The following HYDIN variants were observed in gnomAD, a reference collection of about 807,000 sequenced individuals.
HYDIN encodes HYDIN axonemal central pair apparatus protein.
HYDIN carries 132 observed loss-of-function variants against 403.9 expected under a neutral mutation model. The ratio of observed to expected loss-of-function variants is 0.33; its 90% confidence interval spans 0.28 to 0.38. HYDIN has a LOEUF of 0.38. HYDIN is among the 10% of genes least tolerant of loss of function. HYDIN has a pLI of 1.00. For synonymous variants in HYDIN, 1,202 were observed against 1,891.7 expected (o/e 0.64, Z 9.46); for missense variants, 2,827 against 5,009.5 (o/e 0.56, Z 13.15).
intron 65 of HYDIN, among the ~76,000 whole-genome samples, chr16:70,870,014 T>A (rs2040001062): frequency 6.6e-6 from 1 of 151,700 alleles, no homozygotes; most frequent in Non-Finnish European, 1.5e-5. Flanking sequence ...GGAGCAAAGG[T>A]GACTCTTGCT....
chr16:70,851,178 G>A (rs2038615228), intron 73 of HYDIN, among the ~76,000 whole-genome samples: 1 of 74,654 alleles, frequency 1.3e-5, no homozygotes, highest in Non-Finnish European at 2.5e-5. Context: ...AACAAAAATC[G>A]ACAAGTGGGA....
At chr16:71,098,060 A>G (rs2144397186) in intron 10 of HYDIN, among the ~76,000 whole-genome samples, 1 of 152,246 alleles carries the variant, frequency 6.6e-6, no homozygotes, top group Admixed American at 6.5e-5. Context: ...CATTACTTTG[A>G]TTATAAGAAG....
intron 10 of HYDIN, among the ~76,000 whole-genome samples, chr16:71,099,868 T>C (rs1280558258): frequency 6.6e-6 from 1 of 152,104 alleles, no homozygotes; most frequent in African/African-American, 2.4e-5. Context: ...CCAGGCATCA[T>C]GGAGTGAGCC....
At chr16:71,033,000 C>A (rs7203721) in intron 18 of HYDIN, among the ~76,000 whole-genome samples, 404 of 114,962 alleles carry the variant, frequency 3.5e-3, no homozygotes, top group African/African-American at 4.5e-3. Context: ...TAATTAGGGA[C>A]CACTCCTCCT....
At chr16:71,211,309 C>A (rs559043406) in intron 1 of HYDIN, among the ~76,000 whole-genome samples, 17 of 152,276 alleles carry the variant, frequency 1.1e-4, no homozygotes, top group African/African-American at 3.9e-4. Flanking sequence ...GGGGTATTCC[C>A]AGACTAAAAG....
rs568305396 is a variant in HYDIN, at chr16:70,991,398, T to A, written c.3786-2A>T. 6.2e-7 allele frequency: 1 copy of A among 1,613,308 alleles called. No homozygotes were observed. Among genetic ancestry groups the A allele is most frequent in the Non-Finnish European group, 8.5e-7 (1 of 1,179,756 alleles). ...GCATCTTCATCCACAAGGACAGTCC[T>A]AGGAAGTTTAATGAAATGCAGAGAT... On this transcript the variant is annotated splice_acceptor_variant, in intron 24 of 85. Coordinates refer to ENST00000393567, the MANE Select transcript of HYDIN (RefSeq NM_001270974.2). LOFTEE classifies it high-confidence loss of function.
At chr16:70,875,494 C>T (rs946694485) in intron 62 of HYDIN, among the ~76,000 whole-genome samples, 15 of 151,918 alleles carry the variant, frequency 9.9e-5, no homozygotes, top group African/African-American at 3.4e-4. Flanking sequence ...GGATATGAGA[C>T]ATCAGCAGGC....
At chr16:71,040,020 G>A (rs898841147) in intron 18 of HYDIN, among the ~76,000 whole-genome samples, 4 of 148,310 alleles carry the variant, frequency 2.7e-5, no homozygotes, top group African/African-American at 7.3e-5. Flanking sequence ...CCCGCCCACC[G>A]CCCCCAAGAT....
chr16:70,958,469 A>C (rs1463077233), intron 39 of HYDIN, among the ~76,000 whole-genome samples: 1 of 152,032 alleles, frequency 6.6e-6, no homozygotes, highest in Non-Finnish European at 1.5e-5. Context: ...TTAACTCTCC[A>C]GCTGTCTGCA....
At chr16:70,925,303 A>G (rs1054240027) in intron 45 of HYDIN, among the ~76,000 whole-genome samples, 17 of 152,364 alleles carry the variant, frequency 1.1e-4, no homozygotes, top group Middle Eastern at 3.4e-3. Context: ...TGGGCAAGCA[A>G]GACCCCTATC....
intron 1 of HYDIN, among the ~76,000 whole-genome samples, chr16:71,226,833 T>A (rs918109050): frequency 1.3e-5 from 2 of 152,160 alleles, no homozygotes; most frequent in Admixed American, 1.3e-4. Flanking sequence ...TCCTCTTCCT[T>A]ACTCCTCCCT....
chr16:71,043,881 G>C (rs2081366536), intron 18 of HYDIN, among the ~76,000 whole-genome samples: 1 of 150,030 alleles, frequency 6.7e-6, no homozygotes, highest in South Asian at 2.1e-4. Context: ...TTCAGCCCAG[G>C]AGCTCAAGAC....
chr16:71,051,116 T>C (rs1169773270), intron 18 of HYDIN, among the ~76,000 whole-genome samples: 3 of 150,912 alleles, frequency 2.0e-5, no homozygotes, highest in East Asian at 3.9e-4. Flanking sequence ...CAAATAATAG[T>C]ATATTATAAT....
rs923701063 is a variant in HYDIN at position 70,803,729 on chromosome 16, A to C, written c.*3851T>G. Among the ~76,000 whole-genome samples the C allele has an allele frequency of 6.6e-6, 1 of 152,228 alleles. No individual in the cohort carries two copies. Among genetic ancestry groups the C allele is most frequent in the African/African-American group, 2.4e-5 (1 of 41,454 alleles). On this transcript the variant is annotated 3_prime_UTR_variant, in exon 86 of 86. Transcript: ENST00000393567. ...CTGGAGTTTCAGGGCAACAGGGTTTAAGGTATTAGGTAGAGGTCTTGAAAT... is the reference window on the plus strand; with the variant it reads ...CTGGAGTTTCAGGGCAACAGGGTTTCAGGTATTAGGTAGAGGTCTTGAAAT...
intron 1 of HYDIN, among the ~76,000 whole-genome samples, chr16:71,216,330 T>C (rs1265576401): frequency 6.6e-6 from 1 of 152,160 alleles, no homozygotes; most frequent in Admixed American, 6.5e-5. Context: ...TTACATCAAG[T>C]TGAGGGCAGA....
At chr16:70,985,441 A>G (rs2079162684) in intron 27 of HYDIN, 119 bp from the exon 28 acceptor site, 17 of 1,069,020 alleles carry the variant, frequency 1.6e-5, no homozygotes, top group Non-Finnish European at 2.3e-5. Flanking sequence ...ATACTGGTCA[A>G]TCTACATCTC....
chr16:71,034,406 G>C (rs1174305165), intron 18 of HYDIN, among the ~76,000 whole-genome samples: 1 of 152,144 alleles, frequency 6.6e-6, no homozygotes, highest in African/African-American at 2.4e-5. Flanking sequence ...GCAAGAGTTA[G>C]AGATTTCAGC....
intron 5 of HYDIN, among the ~76,000 whole-genome samples, chr16:71,174,824 C>G (rs149804309): frequency 6.6e-6 from 1 of 152,282 alleles, no homozygotes; most frequent in African/African-American, 2.4e-5. Flanking sequence ...TGGGGGTGAG[C>G]AGGCCAGGCA....
At chr16:71,057,503 T>A (rs1477493135) in intron 18 of HYDIN, among the ~76,000 whole-genome samples, 1 of 152,246 alleles carries the variant, frequency 6.6e-6, no homozygotes, top group African/African-American at 2.4e-5. Flanking sequence ...ACTTGATTAT[T>A]CAGAAATATC....
Sources: gnomAD v4.1 joint callset for allele counts (sites outside exome capture counted in the v4.1 genomes callset) on GRCh38, gnomAD v4.1.1 for gene constraint, MANE v1.5 for transcripts, NCBI Gene and HGNC (gene_info 2026-07-23, HGNC 2026-07-21) for gene names.